Variants in NCOR1 observed in about 807,000 individuals in gnomAD.
The protein encoded by NCOR1 is nuclear receptor corepressor 1, also known as protein phosphatase 1, regulatory subunit 109.
Under a neutral mutation model 288.1 loss-of-function variants are expected in NCOR1, and 63 were observed. That is an observed-to-expected ratio of 0.22 (90% CI 0.18 to 0.27). The LOEUF is 0.27. NCOR1 is among the 10% of genes least tolerant of loss of function. The probability of loss-of-function intolerance (pLI) is 1.00; values close to 1 mark genes in which losing one functional copy is unlikely to be tolerated. For missense variants in NCOR1, 2,397 were observed against 3,019.2 expected (o/e 0.79, Z 4.83); for synonymous variants, 1,007 against 1,065.9 (o/e 0.94, Z 1.08).
intron 19 of NCOR1, among the ~76,000 whole-genome samples, chr17:16,102,061 C>T (rs1037563409): frequency 2.0e-5 from 3 of 151,996 alleles, no homozygotes; most frequent in Admixed American, 6.5e-5. Flanking sequence ...TGAAAAAGAA[C>T]GAACAATAAA....
At chr17:16,171,624 T>C (rs1366846811) in intron 4 of NCOR1, among the ~76,000 whole-genome samples, 179 bp downstream of exon 4, 1 of 152,224 alleles carries the variant, frequency 6.6e-6, no homozygotes, top group African/African-American at 2.4e-5. Context: ...GTGCTCACTT[T>C]AGCAGTCTGG....
intron 20 of NCOR1, among the ~76,000 whole-genome samples, chr17:16,099,739 G>C (rs1796928827): frequency 6.6e-6 from 1 of 152,118 alleles, no homozygotes; most frequent in African/African-American, 2.4e-5. Flanking sequence ...TGCAGTTAAA[G>C]ACTGACACCA....
At chr17:16,139,282 G>T in intron 11 of NCOR1, 96 bp from the exon 12 acceptor site, 1 of 958,924 alleles carries the variant, frequency 1.0e-6, no homozygotes, top group Non-Finnish European at 1.6e-6. Context: ...AAAAAACCAT[G>T]TATGCAGTTT....
intron 22 of NCOR1, among the ~76,000 whole-genome samples, chr17:16,090,533 A>C (rs930372957): frequency 1.3e-5 from 2 of 152,192 alleles, no homozygotes; most frequent in African/African-American, 2.4e-5. Flanking sequence ...TACTGAGTAC[A>C]TGTTGTGTCA....
rs147459055 is a variant in NCOR1 at position 16,071,117 on chromosome 17, T to C, written c.4152+292A>G. Among the ~76,000 whole-genome samples, 171 of 151,176 alleles carry C rather than the reference T, an allele frequency of 1.1e-3. 3 individuals are homozygous for C. The highest frequency in any genetic ancestry group is 4.0e-3 in the African/African-American group (166 of 41,146). On this transcript the variant is annotated intron_variant, in intron 30 of 45. Transcript: ENST00000268712. ...GCAACATGGCAAAGCCCTGTCTCTA[T>C]AAAAATACAAAAATTCTGGGTGTGG...
At chr17:16,074,555 T>G (rs11078331) in intron 27 of NCOR1, among the ~76,000 whole-genome samples, 80,849 of 151,960 alleles carry the variant, frequency 0.53, 21,888 homozygotes, top group Middle Eastern at 0.63. Flanking sequence ...TAAAGGAGAG[T>G]GAAATAAGAA....
At chr17:16,152,142 ATTTT>A (rs376983522) in intron 7 of NCOR1, 144 bp from the exon 8 acceptor site, 112 of 512,958 alleles carry the variant, frequency 2.2e-4, no homozygotes, top group Non-Finnish European at 2.5e-4. Context: ...CCAAACTTTT[ATTTT>A]TTTATTTACT....
intron 9 of NCOR1, among the ~76,000 whole-genome samples, chr17:16,148,156 T>C (rs909012908): frequency 6.6e-6 from 1 of 152,208 alleles, no homozygotes; most frequent in African/African-American, 2.4e-5. Flanking sequence ...CCAAACATTA[T>C]GCAACCTCCA....
chr17:16,080,280 A>G, intron 25 of NCOR1, 128 bp downstream of exon 25: 1 of 938,164 alleles, frequency 1.1e-6, no homozygotes, highest in Non-Finnish European at 1.6e-6. Context: ...TTTTACATGG[A>G]AAGAAAACAA....
rs1180163362 is a variant in NCOR1 at position 16,065,708 on chromosome 17, T to A, written c.4742-14A>T. On this transcript the variant is annotated splice_polypyrimidine_tract_variant and intron_variant, in intron 32 of 45. Transcript: ENST00000268712. ...AAGCAGCCGCTGCTGATTGAGAGAA[T>A]GAAAGAAAGGCACTGAGTTTTGTCC... The A allele has an allele frequency of 1.2e-6, 2 of 1,612,638 alleles. No individual in the cohort carries two copies. Among genetic ancestry groups the A allele is most frequent in the Non-Finnish European group, 1.7e-6 (2 of 1,178,802 alleles).
At chr17:16,134,031 T>G (rs1379193322) in intron 14 of NCOR1, among the ~76,000 whole-genome samples, 2 of 152,160 alleles carry the variant, frequency 1.3e-5, no homozygotes, top group African/African-American at 4.8e-5. Flanking sequence ...CAAACTATTC[T>G]CAACAGAGCA....
At chr17:16,207,451 T>C (rs374338822) in intron 1 of NCOR1, among the ~76,000 whole-genome samples, 27 of 151,612 alleles carry the variant, frequency 1.8e-4, no homozygotes, top group Non-Finnish European at 3.7e-4. Flanking sequence ...CCTAGAAAAA[T>C]GTAATCTTGG....
At chr17:16,140,281 C>A (rs1179371042) in intron 11 of NCOR1, among the ~76,000 whole-genome samples, 1 of 152,186 alleles carries the variant, frequency 6.6e-6, no homozygotes, top group African/African-American at 2.4e-5. Context: ...GGCTGAATGT[C>A]ATTTCAATCA....
chr17:16,164,524 C>A (rs796078750), intron 5 of NCOR1, among the ~76,000 whole-genome samples: 2 of 151,938 alleles, frequency 1.3e-5, no homozygotes, highest in African/African-American at 2.4e-5. Context: ...ACTGAAAAAA[C>A]GATATCAAGC....
intron 42 of NCOR1, among the ~76,000 whole-genome samples, chr17:16,043,557 T>G (rs1240774592): frequency 3.9e-5 from 6 of 152,252 alleles, no homozygotes; most frequent in Non-Finnish European, 8.8e-5. Flanking sequence ...AGTACGCTAC[T>G]GAAAACATTA....
chr17:16,171,681 T>C (rs986561569), intron 4 of NCOR1, 122 bp downstream of exon 4: 2 of 897,040 alleles, frequency 2.2e-6, no homozygotes, highest in Non-Finnish European at 3.0e-6. Flanking sequence ...ATTTTTACTT[T>C]CCCATACCAC....
intron 2 of NCOR1, among the ~76,000 whole-genome samples, chr17:16,189,474 A>C (rs763280543): frequency 6.6e-6 from 1 of 152,210 alleles, no homozygotes; most frequent in Non-Finnish European, 1.5e-5. Flanking sequence ...TTGAACACAC[A>C]GAAGTGAAAA....
chr17:16,105,896 T>G (rs2068523950), intron 19 of NCOR1, among the ~76,000 whole-genome samples: 1 of 152,134 alleles, frequency 6.6e-6, no homozygotes, highest in Admixed American at 6.5e-5. Flanking sequence ...GGTCAGGAGT[T>G]CGAGACAAGC....
chr17:16,090,118 C>T (rs2064946358), intron 22 of NCOR1, among the ~76,000 whole-genome samples: 1 of 152,012 alleles, frequency 6.6e-6, no homozygotes, highest in Non-Finnish European at 1.5e-5. Flanking sequence ...GAATTTGGGG[C>T]TCCAGCCTGG....
Sources: gnomAD v4.1 joint callset for allele counts (sites outside exome capture counted in the v4.1 genomes callset) on GRCh38, gnomAD v4.1.1 for gene constraint, MANE v1.5 for transcripts, NCBI Gene and HGNC (gene_info 2026-07-23, HGNC 2026-07-21) for gene names.